ANKRD33B: variants seen among roughly 807,000 people sequenced by gnomAD.
The protein encoded by ANKRD33B is ankyrin repeat domain 33B.
ANKRD33B carries 6 observed loss-of-function variants against 21.5 expected under a neutral mutation model. That is an observed-to-expected ratio of 0.28 (90% CI 0.15 to 0.55). The LOEUF is 0.55. Ranked by LOEUF, ANKRD33B falls within the 20% of genes least tolerant of loss-of-function variation. ANKRD33B has a pLI of 0.94. For missense variants in ANKRD33B, 698 were observed against 747.2 expected (o/e 0.93, Z 0.77); for synonymous variants, 347 against 342.4 (o/e 1.01, Z -0.15).
Position 10,649,440 on chromosome 5 carries a change from G to A in ANKRD33B, c.812G>A (p.Arg271Gln). The change falls in exon 4 of 4, where the codon CGG becomes CAG. Residue 271 changes from arginine (R) to glutamine (Q), a missense_variant. Transcript: ENST00000296657. ...CTGCCGCCGCCCCCTGAAGCGGCGCGGAAGCCCGCGGGCTCCAAGAACTGC... is the reference window on the plus strand; with the variant it reads ...CTGCCGCCGCCCCCTGAAGCGGCGCAGAAGCCCGCGGGCTCCAAGAACTGC... ...PELPPPPEAA[R>Q]KPAGSKNCLQ... 5.9e-6 allele frequency: 9 copies of A among 1,535,290 alleles called. No homozygotes were observed. The highest frequency in any genetic ancestry group is 1.2e-5 in the South Asian group (1 of 84,014).
chr5:10,622,692 G>C (rs554942804), intron 2 of ANKRD33B, among the ~76,000 whole-genome samples: 1 of 152,026 alleles, frequency 6.6e-6, no homozygotes, highest in Non-Finnish European at 1.5e-5. Flanking sequence ...GGGAGCAATC[G>C]ATCTATTTCA....
At chr5:10,640,288 CTT>C (rs1302601743) in intron 3 of ANKRD33B, among the ~76,000 whole-genome samples, 1 of 152,216 alleles carries the variant, frequency 6.6e-6, no homozygotes, top group Middle Eastern at 3.2e-3. Context: ...ATCAACCCCT[CTT>C]TGTCTTTTGC....
intron 2 of ANKRD33B, among the ~76,000 whole-genome samples, chr5:10,620,545 CT>C (rs1736398903): frequency 6.6e-6 from 1 of 152,158 alleles, no homozygotes; most frequent in South Asian, 2.1e-4. Flanking sequence ...GAGGGGATTT[CT>C]TTTCTTACTG....
chr5:10,618,380 G>T lies in ANKRD33B; in HGVS notation c.414G>T (p.Val138=). ...ACYHGFVDTV[V]ALAECPHVDV... Reference sequence around the variant, plus strand: ...ACCACGGCTTTGTGGATACCGTGGTGGCCTTAGCAGAGTGCCCCCACGTTG... The same window carrying T: ...ACCACGGCTTTGTGGATACCGTGGTTGCCTTAGCAGAGTGCCCCCACGTTG... Residue 138 remains valine, a synonymous_variant, in exon 2 of 4, where the codon GTG becomes GTT. Transcript: ENST00000296657. 1 of 1,537,748 alleles carries T rather than the reference G, an allele frequency of 6.5e-7. No individual in the cohort carries two copies. The highest frequency in any genetic ancestry group is 8.7e-7 in the Non-Finnish European group (1 of 1,147,010).
intron 1 of ANKRD33B, among the ~76,000 whole-genome samples, chr5:10,598,680 AT>A (rs1342375716): frequency 6.6e-6 from 1 of 152,068 alleles, no homozygotes; most frequent in African/African-American, 2.4e-5. Flanking sequence ...GGCTCTAGCA[AT>A]CCTCCCATCT....
intron 2 of ANKRD33B, among the ~76,000 whole-genome samples, chr5:10,622,285 A>C (rs1736437996): frequency 6.6e-6 from 1 of 152,200 alleles, no homozygotes; most frequent in African/African-American, 2.4e-5. Context: ...CCCTGGAGGG[A>C]AAAGAGACCC....
At chr5:10,588,599 G>C (rs60100667) in intron 1 of ANKRD33B, among the ~76,000 whole-genome samples, 54,137 of 152,066 alleles carry the variant, frequency 0.36, 11,258 homozygotes, top group East Asian at 0.6. Flanking sequence ...CACTTGCTCT[G>C]GCCAATTCAG....
intron 1 of ANKRD33B, among the ~76,000 whole-genome samples, chr5:10,600,531 T>C (rs1735906630): frequency 6.6e-6 from 1 of 152,238 alleles, no homozygotes; most frequent in South Asian, 2.1e-4. Flanking sequence ...TATTCCCAAG[T>C]TTGATTATAG....
chr5:10,617,028 C>A (rs1259155315), intron 1 of ANKRD33B, among the ~76,000 whole-genome samples: 3 of 152,286 alleles, frequency 2.0e-5, no homozygotes, highest in Non-Finnish European at 4.4e-5. Context: ...TGTGTCCTTA[C>A]ATGGAGGAAA....
At chr5:10,640,914 C>T (rs1055696160) in intron 3 of ANKRD33B, among the ~76,000 whole-genome samples, 10 of 152,230 alleles carry the variant, frequency 6.6e-5, no homozygotes, top group Non-Finnish European at 1.3e-4. Context: ...CACCGAGGTA[C>T]CCTCAAACCC....
chr5:10,574,599 T>C (rs1735275854), intron 1 of ANKRD33B, among the ~76,000 whole-genome samples: 2 of 152,170 alleles, frequency 1.3e-5, no homozygotes, highest in Admixed American at 1.3e-4. Flanking sequence ...CAGAAATTGA[T>C]GAAATCATGA....
intron 1 of ANKRD33B, among the ~76,000 whole-genome samples, chr5:10,582,614 C>T (rs1472493747): frequency 1.3e-5 from 2 of 152,248 alleles, no homozygotes; most frequent in African/African-American, 4.8e-5. Context: ...ATGCTTCCCT[C>T]TGTGTCACAG....
Position 10,602,835 on chromosome 5 carries a change from C to T in ANKRD33B, c.367-15498C>T, listed in dbSNP as rs1279440616. ...TTGTCATTTTTTTTTTTTTTTGAGA[C>T]AGTGTTTCAGTCTGTCACCCAGGTT... On this transcript the variant is annotated intron_variant, in intron 1 of 3. Transcript: ENST00000296657. Among the ~76,000 whole-genome samples, 3 of 144,676 alleles carry T rather than the reference C, an allele frequency of 2.1e-5. 1 individual carries two copies. The East Asian group carries it at 6.1e-4, about 29-fold the overall frequency. 94.9% of individuals were successfully genotyped at this position (144,676 alleles called of 152,430 possible).
intron 1 of ANKRD33B, among the ~76,000 whole-genome samples, chr5:10,606,698 CACTCCAGCCTGGCG>C (rs1736051789): frequency 6.6e-6 from 1 of 151,094 alleles, no homozygotes; most frequent in African/African-American, 2.4e-5. Context: ...CGTGCCACTG[CACTCCAGCCTGGCG>C]ACAGAGCAAG....
chr5:10,597,077 C>G (rs1226739204), intron 1 of ANKRD33B, among the ~76,000 whole-genome samples: 1 of 152,078 alleles, frequency 6.6e-6, no homozygotes, highest in Admixed American at 6.6e-5. Context: ...AAAAACACTC[C>G]CAGCCACAAC....
rs535404179 is a variant in ANKRD33B, at chr5:10,614,074, G to A, written c.367-4259G>A. On this transcript the variant is annotated intron_variant, in intron 1 of 3. Transcript: ENST00000296657. ...AGAGAGATTTGAGGAACTGGCGTGTGCGATTGTAGGGGCTGGCAAGTTCAA... is the reference window on the plus strand; with the variant it reads ...AGAGAGATTTGAGGAACTGGCGTGTACGATTGTAGGGGCTGGCAAGTTCAA... Among the ~76,000 whole-genome samples, 5 of 151,560 alleles carry A rather than the reference G, an allele frequency of 3.3e-5. No individual in the cohort carries two copies. The East Asian group carries it at 9.7e-4, about 29-fold the overall frequency.
intron 3 of ANKRD33B, among the ~76,000 whole-genome samples, chr5:10,640,811 G>T (rs1269797857): frequency 6.6e-6 from 1 of 152,162 alleles, no homozygotes; most frequent in Admixed American, 6.5e-5. Context: ...CTCACACTTG[G>T]GGAGGCTGAG....
At chr5:10,624,169 G>T (rs1051836624) in intron 2 of ANKRD33B, among the ~76,000 whole-genome samples, 2 of 120,592 alleles carry the variant, frequency 1.7e-5, no homozygotes, top group Admixed American at 1.1e-4. Context: ...TTGCTCTATC[G>T]CCCAGGCTGG....
intron 3 of ANKRD33B, among the ~76,000 whole-genome samples, chr5:10,639,702 A>G (rs1479374248): frequency 6.0e-4 from 17 of 28,192 alleles, no homozygotes; most frequent in African/African-American, 1.2e-3. Flanking sequence ...GGTGACGCGG[A>G]GTTGCGCGGC....
Sources: gnomAD v4.1 joint callset for allele counts (sites outside exome capture counted in the v4.1 genomes callset) on GRCh38, gnomAD v4.1.1 for gene constraint, MANE v1.5 for transcripts, NCBI Gene and HGNC (gene_info 2026-07-23, HGNC 2026-07-21) for gene names.